The following ZNF569 variants were observed in gnomAD, a reference collection of about 807,000 sequenced individuals.
ZNF569 encodes the protein DNA-binding protein.
In ZNF569, 38 loss-of-function variants were observed where a neutral mutation model predicts 56.3. That is an observed-to-expected ratio of 0.68 (90% confidence interval 0.52 to 0.88). The LOEUF (loss-of-function observed/expected upper bound fraction) is 0.88, where lower values mean the gene tolerates loss of function less well. Among genes scored for constraint, ZNF569 ranks in the 40% least tolerant of loss-of-function variants. ZNF569 has a pLI of 0.00. For missense variants in ZNF569, 666 were observed against 809.2 expected, an observed-to-expected ratio of 0.82 and a Z score of 2.15; for synonymous variants, 241 against 262.9, an observed-to-expected ratio of 0.92 and a Z score of 0.81.
chr19:37,457,257 A>C (rs2041687749), intron 2 of ZNF569, among the ~76,000 whole-genome samples: 1 of 152,190 alleles, frequency 6.6e-6, no homozygotes, highest in Non-Finnish European at 1.5e-5. Context: ...TAGTTGTCGC[A>C]ACAATATCCT....
chr19:37,420,737 T>G (rs2041021428), intron 5 of ZNF569, among the ~76,000 whole-genome samples: 1 of 152,166 alleles, frequency 6.6e-6, no homozygotes, highest in African/African-American at 2.4e-5. Flanking sequence ...TATTCTGATC[T>G]CCTCTCCTGA....
chr19:37,426,283 C>T lies in ZNF569; in HGVS notation c.111G>A (p.Met37Ile). Residue 37 changes from methionine to isoleucine, a missense_variant, in exon 4 of 6, where the codon ATG (methionine) becomes ATA (isoleucine). By Grantham distance (10) the Met-to-Ile change is conservative. Coordinates refer to ENST00000316950, the MANE Select transcript of ZNF569 (RefSeq NM_152484.3). ...TGATTAAGTTGTTATAGTTTTCTAG[C>T]ATCACATTCCGGTACAGTTTTCTCT... ...PAQRKLYRNV[M>I]LENYNNLITV... The T allele has an allele frequency of 1.2e-6, 2 of 1,613,298 alleles. No homozygotes were observed. Among genetic ancestry groups the T allele is most frequent in the Non-Finnish European group, 1.7e-6 (2 of 1,179,716 alleles).
chr19:37,432,149 C>G (rs2041236107), intron 3 of ZNF569, among the ~76,000 whole-genome samples: 1 of 152,198 alleles, frequency 6.6e-6, no homozygotes, highest in Non-Finnish European at 1.5e-5. Flanking sequence ...TTGCCACCTG[C>G]TGACTGTAGA....
rs780514993 is a variant in ZNF569 at position 37,412,633 on chromosome 19, C to A, written c.2025G>T (p.Ser675=). The change falls in exon 6 of 6, where the codon TCG becomes TCT. Residue 675 remains serine, a synonymous_variant. Coordinates refer to ENST00000316950, the MANE Select transcript of ZNF569 (RefSeq NM_152484.3). ...IECGKAFSQK[S]HLVRHQRIHT... is the part of the protein sequence containing the mutation. ...GAATTCTCTGGTGTCTAACAAGGTG[C>A]GACTTTTGGCTGAAAGCCTTGCCAC... The A allele has an allele frequency of 5.0e-6, 8 of 1,607,912 alleles. No individual in the cohort carries two copies. The highest frequency in any genetic ancestry group is 6.8e-6 in the Non-Finnish European group (8 of 1,177,508).
chr19:37,449,334 C>A (rs540312876), intron 2 of ZNF569, among the ~76,000 whole-genome samples: 16 of 152,246 alleles, frequency 1.1e-4, no homozygotes, highest in Middle Eastern at 3.4e-3. Flanking sequence ...CATTTGAACA[C>A]CGAAAAAATT....
chr19:37,427,342 T>C (rs1401149978), intron 3 of ZNF569, among the ~76,000 whole-genome samples: 2 of 151,860 alleles, frequency 1.3e-5, no homozygotes, highest in East Asian at 3.9e-4. Flanking sequence ...TTGAATGAAT[T>C]TCAAAAAAAC....
intron 2 of ZNF569, among the ~76,000 whole-genome samples, chr19:37,457,171 A>T (rs903976888): frequency 6.6e-6 from 1 of 152,176 alleles, no homozygotes; most frequent in African/African-American, 2.4e-5. Context: ...GAAGCCTCCT[A>T]CATAAACACA....
chr19:37,435,790 A>G (rs1463809474), intron 3 of ZNF569, among the ~76,000 whole-genome samples: 1 of 152,236 alleles, frequency 6.6e-6, no homozygotes, highest in Non-Finnish European at 1.5e-5. Context: ...ATTCAGCAAG[A>G]GGATATAATA....
intron 2 of ZNF569, among the ~76,000 whole-genome samples, chr19:37,459,055 A>G (rs1361868755): frequency 6.6e-6 from 1 of 152,188 alleles, no homozygotes; most frequent in Non-Finnish European, 1.5e-5. Context: ...ACCATGGGAC[A>G]ATATCAAAAC....
At chr19:37,424,756 C>A (rs957268500) in intron 5 of ZNF569, among the ~76,000 whole-genome samples, 1 of 136,746 alleles carries the variant, frequency 7.3e-6, no homozygotes, top group Non-Finnish European at 1.5e-5. Context: ...CCAGAGGTTG[C>A]AGTGAGCCAA....
chr19:37,437,406 C>T (rs1465414745), intron 3 of ZNF569, among the ~76,000 whole-genome samples: 1 of 152,162 alleles, frequency 6.6e-6, no homozygotes, highest in African/African-American at 2.4e-5. Flanking sequence ...AAAGCCTTTC[C>T]TTTAAGATCT....
rs1343104109 is a variant in ZNF569 at position 37,428,090 on chromosome 19, T to A, written c.16-1712A>T. Among the ~76,000 whole-genome samples, 4 of 151,880 alleles carry A rather than the reference T, an allele frequency of 2.6e-5. No homozygotes were observed. The East Asian group carries it at 7.7e-4, about 29-fold the overall frequency. ...TGCCCCTAGCTCAAGAGTGAGAGAATCCCAAAAGAAATCATTAAAATACAT... is the reference window on the plus strand; with the variant it reads ...TGCCCCTAGCTCAAGAGTGAGAGAAACCCAAAAGAAATCATTAAAATACAT... On this transcript the variant is annotated intron_variant, in intron 3 of 5. Coordinates refer to ENST00000316950, the MANE Select transcript of ZNF569 (RefSeq NM_152484.3).
chr19:37,440,934 A>C (rs1373925411), intron 3 of ZNF569, among the ~76,000 whole-genome samples: 2 of 152,138 alleles, frequency 1.3e-5, no homozygotes, highest in Admixed American at 6.6e-5. Context: ...GCGCTTTATC[A>C]CCAAGAATAT....
Position 37,411,741 on chromosome 19 carries a change from A to C in ZNF569, c.*856T>G, listed in dbSNP as rs2146842499. 1 of 152,146 alleles carries C rather than the reference A, an allele frequency of 6.6e-6. No homozygotes were observed. The highest frequency in any genetic ancestry group is 1.9e-4 in the East Asian group (1 of 5,204). 9.4% of individuals were successfully genotyped at this position (152,146 alleles called of 1,614,324 possible). ...GAAAGCTAAAATTTTTCTCCTATGA[A>C]CCTTCCATTTATTAAATAAGCCATT... On this transcript the variant is annotated 3_prime_UTR_variant, in exon 6 of 6. Coordinates refer to ENST00000316950, the MANE Select transcript of ZNF569 (RefSeq NM_152484.3).
At position 37,411,723 on chromosome 19, in the gene ZNF569, A is replaced by C. The variant is rs1053568197; in HGVS notation, c.*874T>G. 1.9e-4 allele frequency: 29 copies of C among 152,306 alleles called. No individual in the cohort carries two copies. Among genetic ancestry groups the C allele is most frequent in the Admixed American group, 1.8e-3 (27 of 15,300 alleles). The allele number at this position is 152,306 out of a possible 1,614,324, so 9.4% of individuals were successfully genotyped here. On this transcript the variant is annotated 3_prime_UTR_variant, in exon 6 of 6. Coordinates refer to ENST00000316950, the MANE Select transcript of ZNF569 (RefSeq NM_152484.3). ...TGTATATGATATAAAGTAGAAAGCTAAAATTTTTCTCCTATGAACCTTCCA... is the reference window on the plus strand; with the variant it reads ...TGTATATGATATAAAGTAGAAAGCTCAAATTTTTCTCCTATGAACCTTCCA...
intron 3 of ZNF569, chr19:37,427,755 A>C (rs749479018): frequency 2.0e-6 from 1 of 509,522 alleles, no homozygotes; most frequent in South Asian, 1.4e-5. Context: ...TCAGAGGAAA[A>C]AAACCCTGAA....
intron 2 of ZNF569, among the ~76,000 whole-genome samples, chr19:37,446,996 G>GAA (rs2041509110): frequency 6.6e-6 from 1 of 152,250 alleles, no homozygotes; most frequent in East Asian, 1.9e-4. Context: ...ACGAACGTAT[G>GAA]AAAAAATACT....
Position 37,412,293 on chromosome 19 carries a change from A to C in ZNF569, c.*304T>G, listed in dbSNP as rs930669247. 3.7e-6 allele frequency: 1 copy of C among 270,582 alleles called. No homozygotes were observed. The highest frequency in any genetic ancestry group is 2.2e-5 in the African/African-American group (1 of 45,522). The allele number at this position is 270,582 out of a possible 1,614,324, so 16.8% of individuals were successfully genotyped here. A position where few individuals can be genotyped will look rare whatever the true frequency, so the allele number is the denominator to read the frequency against. ...CGTTGATACTTGTTTTCCTTACTTA[A>C]TACATTGGCTAGGAGCTCAAGTGTT... On this transcript the variant is annotated 3_prime_UTR_variant, in exon 6 of 6. Transcript: ENST00000316950.
intron 2 of ZNF569, among the ~76,000 whole-genome samples, chr19:37,464,723 T>A (rs921943660): frequency 6.6e-6 from 1 of 152,168 alleles, no homozygotes; most frequent in Non-Finnish European, 1.5e-5. Flanking sequence ...TGTCTAACCA[T>A]GCATTTTTCA....
Sources: allele counts gnomAD v4.1 joint callset (sites outside exome capture counted in the v4.1 genomes callset), GRCh38; gene constraint gnomAD v4.1.1; transcripts MANE v1.5; gene names NCBI Gene and HGNC (gene_info 2026-07-23, HGNC 2026-07-21).